SKIC3: variants seen among roughly 807,000 people sequenced by gnomAD.
SKIC3 encodes the protein superkiller complex protein 3.
chr5:95,497,373 A>G, the SKIC3 span: 4 of 1,462,028 alleles, frequency 2.7e-6, no homozygotes, highest in Non-Finnish European at 3.8e-6. Flanking sequence ...ACCATATCAC[A>G]AGTTATTTTA....
chr5:95,540,609 G>C, the SKIC3 span: 1 of 1,532,610 alleles, frequency 6.5e-7, no homozygotes, highest in Non-Finnish European at 9.0e-7. Flanking sequence ...AAATGACAAT[G>C]ATCAATTATG....
the SKIC3 span, among the ~76,000 whole-genome samples, chr5:95,499,407 G>A: frequency 6.6e-6 from 1 of 152,124 alleles, no homozygotes; most frequent in African/African-American, 2.4e-5. Context: ...ATGATTGTAA[G>A]TTTCCTGAGG....
chr5:95,524,700 G>A, the SKIC3 span: 3 of 1,439,918 alleles, frequency 2.1e-6, no homozygotes, highest in South Asian at 3.7e-5. Flanking sequence ...GTGATTCAGA[G>A]GTGCCAAATT....
the SKIC3 span, among the ~76,000 whole-genome samples, chr5:95,548,981 A>G: frequency 1.3e-5 from 2 of 152,052 alleles, no homozygotes; most frequent in African/African-American, 4.8e-5. Flanking sequence ...CCCCCAAGCT[A>G]TTTGCTGTGC....
At chr5:95,468,049 A>C in the SKIC3 span, 1 of 1,594,876 alleles carries the variant, frequency 6.3e-7, no homozygotes, top group Non-Finnish European at 8.6e-7. Flanking sequence ...GATATTTCCT[A>C]TACTAATCTC....
chr5:95,474,118 C>T, the SKIC3 span, among the ~76,000 whole-genome samples: 1 of 152,196 alleles, frequency 6.6e-6, no homozygotes, highest in Non-Finnish European at 1.5e-5. Context: ...TTTCATTCTT[C>T]TGCAAATGAC....
chr5:95,467,907 G>T, the SKIC3 span: 1 of 1,613,642 alleles, frequency 6.2e-7, no homozygotes, highest in Non-Finnish European at 8.5e-7. Context: ...AAGTGTCTCA[G>T]TAGGTACCAA....
At chr5:95,502,733 G>C in the SKIC3 span, 1 of 909,188 alleles carries the variant, frequency 1.1e-6, no homozygotes, top group East Asian at 2.5e-5. Flanking sequence ...AGCTCCACCT[G>C]TGACTATCAA....
chr5:95,496,018 CTT>C, the SKIC3 span, among the ~76,000 whole-genome samples: 10 of 142,578 alleles, frequency 7.0e-5, no homozygotes, highest in Non-Finnish European at 6.2e-5. Flanking sequence ...CAATTTCTTT[CTT>C]TTTTTTTTTT....
the SKIC3 span, chr5:95,521,903 A>G: frequency 4.7e-6 from 4 of 847,262 alleles, no homozygotes; most frequent in Non-Finnish European, 7.1e-6. Flanking sequence ...TCAAATTTAT[A>G]TAAGCTATAC....
chr5:95,552,685 A>G, the SKIC3 span, among the ~76,000 whole-genome samples: 2 of 152,114 alleles, frequency 1.3e-5, no homozygotes, highest in Admixed American at 6.5e-5. Context: ...GCAGGAGTGA[A>G]AAATGGCGGG....
chr5:95,464,729 T>A, the SKIC3 span: 1 of 1,486,938 alleles, frequency 6.7e-7, no homozygotes, highest in Non-Finnish European at 9.3e-7. Flanking sequence ...TTATTAACAA[T>A]ATCTATATTT....
the SKIC3 span, chr5:95,464,708 C>A: frequency 6.3e-7 from 1 of 1,582,890 alleles, no homozygotes; most frequent in South Asian, 1.1e-5. Flanking sequence ...ACAGGAACGT[C>A]AGTATTTTGT....
At chr5:95,492,646 AAAAAAG>A in the SKIC3 span, among the ~76,000 whole-genome samples, 6 of 49,862 alleles carry the variant, frequency 1.2e-4, no homozygotes, top group African/African-American at 4.8e-4. Flanking sequence ...CAAAAAAAAA[AAAAAAG>A]AAAAAAAAAA....
the SKIC3 span, among the ~76,000 whole-genome samples, chr5:95,526,986 C>G: frequency 6.6e-6 from 1 of 152,058 alleles, no homozygotes; most frequent in Non-Finnish European, 1.5e-5. Flanking sequence ...TCTTAGCATC[C>G]CCCCAAACAT....
the SKIC3 span, among the ~76,000 whole-genome samples, chr5:95,512,077 A>G: frequency 3.3e-5 from 5 of 152,162 alleles, no homozygotes; most frequent in Non-Finnish European, 7.3e-5. Flanking sequence ...CAACTCTACA[A>G]TCCAGGTATT....
At chr5:95,523,298 A>T in the SKIC3 span, 1 of 1,613,754 alleles carries the variant, frequency 6.2e-7, no homozygotes, top group East Asian at 2.2e-5. Flanking sequence ...CTTTTGAGTT[A>T]CTGTTGTTAG....
the SKIC3 span, among the ~76,000 whole-genome samples, chr5:95,478,070 A>G: frequency 6.6e-6 from 1 of 152,164 alleles, no homozygotes; most frequent in Non-Finnish European, 1.5e-5. Flanking sequence ...TAAAACTGTA[A>G]TCTTTTTTCC....
chr5:95,516,709 T>C, the SKIC3 span: 1 of 1,613,436 alleles, frequency 6.2e-7, no homozygotes, highest in Admixed American at 1.7e-5. Context: ...CATTCCAGTA[T>C]AAGTGATTAT....
Sources: allele counts gnomAD v4.1 joint callset (sites outside exome capture counted in the v4.1 genomes callset), GRCh38; gene constraint gnomAD v4.1.1; transcripts MANE v1.5; gene names NCBI Gene and HGNC (gene_info 2026-07-23, HGNC 2026-07-21).